SLCO4C1: variants seen among roughly 807,000 people sequenced by gnomAD.
The protein encoded by SLCO4C1 is organic anion transporter M1.
A neutral mutation model predicts 72.1 loss-of-function variants in SLCO4C1; 58 were observed. The observed-to-expected ratio is 0.80, with a 90% CI of 0.65 to 1.00. The LOEUF is 1.00. Ranked by LOEUF, SLCO4C1 falls within the 50% of genes least tolerant of loss-of-function variation. The probability of loss-of-function intolerance (pLI) is 0.00; values close to 1 mark genes in which losing one functional copy is unlikely to be tolerated. For synonymous variants in SLCO4C1, 297 were observed against 312.5 expected, an observed-to-expected ratio of 0.95 and a Z score of 0.52; for missense variants, 898 against 857.9, an observed-to-expected ratio of 1.05 and a Z score of -0.58.
intron 10 of SLCO4C1, among the ~76,000 whole-genome samples, chr5:102,241,373 A>G (rs527812597): frequency 1.3e-5 from 2 of 152,328 alleles, no homozygotes; most frequent in South Asian, 4.1e-4. Context: ...ATCCTGCCAA[A>G]AAAGCACTAC....
chr5:102,271,183 T>C (rs965992782), intron 2 of SLCO4C1, among the ~76,000 whole-genome samples: 1 of 152,104 alleles, frequency 6.6e-6, no homozygotes, highest in Non-Finnish European at 1.5e-5. Flanking sequence ...CAGTTTTCAC[T>C]TATTATGTCC....
chr5:102,295,257 A>C (rs1028201566), intron 1 of SLCO4C1, among the ~76,000 whole-genome samples: 10 of 152,220 alleles, frequency 6.6e-5, no homozygotes, highest in African/African-American at 2.4e-4. Context: ...AACCTAAAAG[A>C]GATCCTAGAA....
intron 2 of SLCO4C1, among the ~76,000 whole-genome samples, chr5:102,272,160 G>T (rs1749165019): frequency 6.6e-6 from 1 of 152,162 alleles, no homozygotes; most frequent in Admixed American, 6.6e-5. Flanking sequence ...ATATCTTTTA[G>T]TGGGAGAAGA....
chr5:102,257,215 C>A lies in SLCO4C1; in HGVS notation c.1369G>T (p.Ala457Ser). The A allele has an allele frequency of 1.2e-6, 2 of 1,611,434 alleles. No individual in the cohort carries two copies. Among genetic ancestry groups the A allele is most frequent in the Non-Finnish European group, 1.7e-6 (2 of 1,178,970 alleles). ...RMTCKNTMKF[A>S]LFTSGVALTL... ...AGTGCAACTCCAGATGTGAACAGTG[C>A]AAACTTCATTGTGTTTTTACATGTC... The change falls in exon 8 of 13, where the codon GCA (alanine) becomes TCA (serine). Residue 457 changes from alanine (A) to serine (S), a missense_variant. Physicochemically the swap from Ala to Ser is moderately conservative, Grantham distance 99. Transcript: ENST00000310954.
In SLCO4C1 at chr5:102,296,084, T is replaced by A; in HGVS notation, c.179A>T (p.Glu60Val). The A allele has an allele frequency of 6.2e-7, 1 of 1,614,136 alleles. No homozygotes were observed. The highest frequency in any genetic ancestry group is 8.5e-7 in the Non-Finnish European group (1 of 1,180,004). Reference sequence around the variant, plus strand: ...GGGAGGGGCTGAAGGCAGAGATGGCTCTGGTGACTTCTGGGGCTCCTGGGG... The same window carrying A: ...GGGAGGGGCTGAAGGCAGAGATGGCACTGGTGACTTCTGGGGCTCCTGGGG... ...QKPQEPQKSP[E>V]PSLPSAPPNV... Residue 60 changes from glutamate (E) to valine (V), a missense_variant, in exon 1 of 13, where the codon GAG (glutamate) becomes GTG (valine). By Grantham distance (121) the Glu-to-Val change is moderately radical (BLOSUM62 -2). Coordinates refer to ENST00000310954, the MANE Select transcript of SLCO4C1 (RefSeq NM_180991.5).
Position 102,276,449 on chromosome 5 carries a change from T to C in SLCO4C1, c.620-5643A>G, listed in dbSNP as rs148286901. 3.2e-3 allele frequency among the ~76,000 whole-genome samples: 493 copies of C among 152,270 alleles called. 1 individual carries two copies. The highest frequency in any genetic ancestry group is 0.011 in the African/African-American group (473 of 41,556). ...GCAGGGCGACAATTAACCAGCTCCA[T>C]AGTTCTCTTTCTATAGTTGGTCAGA... On this transcript the variant is annotated intron_variant, in intron 2 of 12. Coordinates refer to ENST00000310954, the MANE Select transcript of SLCO4C1 (RefSeq NM_180991.5).
rs552729397 is a variant in SLCO4C1, at chr5:102,236,453, G to T, written c.*405C>A. On this transcript the variant is annotated 3_prime_UTR_variant, in exon 13 of 13. Transcript: ENST00000310954. ...GACAATGAAAATTAAAATTAAACAA[G>T]TTGTAATGGGGATAGAAACAACATT... The T allele has an allele frequency of 3.3e-5, 5 of 152,932 alleles. No individual in the cohort carries two copies. Among genetic ancestry groups the T allele is most frequent in the Non-Finnish European group, 7.3e-5 (5 of 68,686 alleles). The allele number at this position is 152,932 out of a possible 1,614,324, so 9.5% of individuals were successfully genotyped here.
At chr5:102,281,036 A>G (rs1477460434) in intron 2 of SLCO4C1, among the ~76,000 whole-genome samples, 4 of 152,210 alleles carry the variant, frequency 2.6e-5, no homozygotes, top group African/African-American at 9.6e-5. Context: ...CAATGAAGTG[A>G]GAGCAATGTC....
At chr5:102,275,867 C>G (rs1400221915) in intron 2 of SLCO4C1, among the ~76,000 whole-genome samples, 1 of 152,072 alleles carries the variant, frequency 6.6e-6, no homozygotes, top group Non-Finnish European at 1.5e-5. Context: ...CTCTATAAAT[C>G]ACTTTTGAAA....
intron 2 of SLCO4C1, among the ~76,000 whole-genome samples, 181 bp from the exon 3 acceptor site, chr5:102,270,987 C>T (rs1189085457): frequency 6.6e-6 from 1 of 151,986 alleles, no homozygotes; most frequent in African/African-American, 2.4e-5. Flanking sequence ...CCCAGCCTGC[C>T]CTCACTTTAT....
chr5:102,255,009 G>A (rs1580246740), intron 8 of SLCO4C1, among the ~76,000 whole-genome samples: 1 of 150,550 alleles, frequency 6.6e-6, no homozygotes, highest in African/African-American at 2.4e-5. Context: ...TAAGAATTTG[G>A]GGCCATGAGA....
intron 3 of SLCO4C1, among the ~76,000 whole-genome samples, chr5:102,264,168 C>CA (rs1386515582): frequency 6.6e-6 from 1 of 152,082 alleles, no homozygotes; most frequent in Non-Finnish European, 1.5e-5. Context: ...CTGCACAACT[C>CA]AGACAGAATT....
chr5:102,246,909 A>G (rs1748645246), intron 10 of SLCO4C1, among the ~76,000 whole-genome samples: 2 of 152,172 alleles, frequency 1.3e-5, no homozygotes, highest in Admixed American at 1.3e-4. Context: ...GGTAGAATGC[A>G]TGCCATTCTG....
intron 3 of SLCO4C1, among the ~76,000 whole-genome samples, chr5:102,270,125 G>T (rs918763240): frequency 6.6e-6 from 1 of 152,152 alleles, no homozygotes; most frequent in Non-Finnish European, 1.5e-5. Context: ...GTAGGGCTGT[G>T]CATTGTCTAG....
chr5:102,247,401 T>G lies in SLCO4C1; in HGVS notation c.1662A>C (p.Ile554=). 1 of 1,590,172 alleles carries G rather than the reference T, an allele frequency of 6.3e-7. No homozygotes were observed. The highest frequency in any genetic ancestry group is 8.6e-7 in the Non-Finnish European group (1 of 1,162,442). The stretch of plus-strand genomic sequence containing the variant: ...AACCAAAAGTTTCTGCAGTGGATGT[T>G]ATTTCTGTTTTCCTTTCAATACAGG... ...NCSCIERKTE[I]TSTAETFGFE... Residue 554 remains isoleucine, a synonymous_variant, in exon 10 of 13, where the codon ATA becomes ATC. Coordinates refer to ENST00000310954, the MANE Select transcript of SLCO4C1 (RefSeq NM_180991.5).
rs1392810409 is a variant in SLCO4C1, at chr5:102,234,522, TA to T, written c.*2335del. On this transcript the variant is annotated 3_prime_UTR_variant, in exon 13 of 13. Coordinates refer to ENST00000310954, the MANE Select transcript of SLCO4C1 (RefSeq NM_180991.5). ...GTATCACCTTATAAAACTGAGTATATAAAATACAATGCAGCCCTTGATAGCT... is the reference window on the plus strand; with the variant it reads ...GTATCACCTTATAAAACTGAGTATATAAATACAATGCAGCCCTTGATAGCT... 1 of 152,528 alleles carries T rather than the reference TA, an allele frequency of 6.6e-6. No individual in the cohort carries two copies. The highest frequency in any genetic ancestry group is 1.5e-5 in the Non-Finnish European group (1 of 68,026). The allele number at this position is 152,528 out of a possible 1,614,324, so 9.4% of individuals were successfully genotyped here. A position where few individuals can be genotyped will look rare whatever the true frequency, so the allele number is the denominator to read the frequency against.
rs931821450 is a variant in SLCO4C1 at position 102,257,433 on chromosome 5, T to C, written c.1274-123A>G. On this transcript the variant is annotated intron_variant, in intron 7 of 12. Coordinates refer to ENST00000310954, the MANE Select transcript of SLCO4C1 (RefSeq NM_180991.5). ...TTAACTTATATTTATTCACCTGATA[T>C]AGAAATACATGTACAAATGACTTAA... The C allele has an allele frequency of 3.7e-5, 25 of 681,496 alleles. No homozygotes were observed. In the African/African-American group the frequency reaches 4.7e-4, roughly 13 times the overall value. The allele number at this position is 681,496 out of a possible 1,614,324, so 42.2% of individuals were successfully genotyped here.
At chr5:102,237,590 T>G (rs980802000) in intron 12 of SLCO4C1, among the ~76,000 whole-genome samples, 4 of 152,034 alleles carry the variant, frequency 2.6e-5, no homozygotes, top group Non-Finnish European at 4.4e-5. Flanking sequence ...CCAGCCTGGG[T>G]GACAGACAGA....
rs1748495308 is a variant in SLCO4C1 at position 102,239,306 on chromosome 5, T to C, written c.1959A>G (p.Lys653=). The C allele has an allele frequency of 1.2e-6, 2 of 1,601,990 alleles. No individual in the cohort carries two copies. The highest frequency in any genetic ancestry group is 2.7e-5 in the African/African-American group (2 of 74,384). The change falls in exon 12 of 13, where the codon AAA becomes AAG. Residue 653 remains lysine (K), a synonymous_variant. Transcript: ENST00000310954. ...TGTTATCATAAATCCAGCAAGCTCC[T>C]TTAATTCCACAATCATTTATATCCC... ...ILWDINDCGI[K]GACWIYDNIK...
Sources: gnomAD v4.1 joint callset for allele counts (sites outside exome capture counted in the v4.1 genomes callset) on GRCh38, gnomAD v4.1.1 for gene constraint, MANE v1.5 for transcripts, NCBI Gene and HGNC (gene_info 2026-07-23, HGNC 2026-07-21) for gene names.